The following SUPT20H variants were observed in gnomAD, a reference collection of about 807,000 sequenced individuals.
The protein encoded by SUPT20H is SPT20 homolog, SAGA complex component, also known as transcription factor SPT20 homolog.
A neutral mutation model predicts 122.8 loss-of-function variants in SUPT20H; 82 were observed. That is an observed-to-expected ratio of 0.67 (90% CI 0.56 to 0.80). The LOEUF (loss-of-function observed/expected upper bound fraction) is 0.80, where lower values mean the gene tolerates loss of function less well. Among genes scored for constraint, SUPT20H ranks in the 30% least tolerant of loss-of-function variants. The pLI, the probability that SUPT20H is intolerant of heterozygous loss-of-function variation, is 0.00. For synonymous variants in SUPT20H, 291 were observed against 313.0 expected, an observed-to-expected ratio of 0.93 and a Z score of 0.74; for missense variants, 831 against 921.6, an observed-to-expected ratio of 0.90 and a Z score of 1.27.
In SUPT20H at chr13:37,040,680, G is replaced by C. The variant is rs1263643618; in HGVS notation, c.409C>G (p.His137Asp). 1 of 1,612,216 alleles carries C rather than the reference G, an allele frequency of 6.2e-7. No individual in the cohort carries two copies. Among genetic ancestry groups the C allele is most frequent in the Admixed American group, 1.7e-5 (1 of 59,628 alleles). The stretch of plus-strand genomic sequence containing the variant: ...ATTTCTGCTATGACACATCCGCAAT[G>C]AAAAATATTAACCTGTTTGGGCAAA... ...LLEKSQVNIFHCGCVIAEIRD... is the reference protein window; with the variant it reads ...LLEKSQVNIFDCGCVIAEIRD... The change falls in exon 8 of 26, where the codon CAT becomes GAT. Residue 137 changes from histidine to aspartate, a missense_variant. Physicochemically the swap from His to Asp is moderately conservative, Grantham distance 81. Coordinates refer to ENST00000350612, the MANE Select transcript of SUPT20H (RefSeq NM_001014286.3).
chr13:37,051,468 C>T lies in SUPT20H; in HGVS notation c.3+20G>A. On this transcript the variant is annotated intron_variant, in intron 2 of 25. Transcript: ENST00000350612. Reference sequence around the variant, plus strand: ...GAACATTCTAAAACACAAATTTGAACATACTGAGCTGAAGCTTACCATTAT... The same window carrying T: ...GAACATTCTAAAACACAAATTTGAATATACTGAGCTGAAGCTTACCATTAT... 6.2e-7 allele frequency: 1 copy of T among 1,606,872 alleles called. No homozygotes were observed.
chr13:37,015,940 A>G (rs935467483), intron 23 of SUPT20H, among the ~76,000 whole-genome samples: 1 of 152,216 alleles, frequency 6.6e-6, no homozygotes, highest in Non-Finnish European at 1.5e-5. Context: ...AAATAACTAT[A>G]TAACTGCACT....
At chr13:37,025,703 TACTTA>T in intron 16 of SUPT20H, 1 of 327,758 alleles carries the variant, frequency 3.1e-6, no homozygotes, top group Non-Finnish European at 5.6e-6. Flanking sequence ...TTACAGGGAT[TACTTA>T]AGTAATAAGC....
In SUPT20H at chr13:37,019,895, A is replaced by G. The variant is rs1223740280; in HGVS notation, c.1817-498T>C. Reference sequence around the variant, plus strand: ...TTGCAATTTGTGTATAAAGATCAAAACAGAGTCAGGAAACAGTGCTCTGTT... The same window carrying G: ...TTGCAATTTGTGTATAAAGATCAAAGCAGAGTCAGGAAACAGTGCTCTGTT... On this transcript the variant is annotated intron_variant, in intron 21 of 25. Coordinates refer to ENST00000350612, the MANE Select transcript of SUPT20H (RefSeq NM_001014286.3). 2.0e-5 allele frequency among the ~76,000 whole-genome samples: 3 copies of G among 152,208 alleles called. No homozygotes were observed. The South Asian group carries it at 6.2e-4, about 31-fold the overall frequency.
At chr13:37,024,804 G>A (rs1271634952) in intron 17 of SUPT20H, 3 of 171,626 alleles carry the variant, frequency 1.7e-5, no homozygotes, top group Admixed American at 6.0e-5. Flanking sequence ...GAAGCCAAAT[G>A]ACTAGAACAC....
chr13:37,040,582 T>C lies in SUPT20H; in HGVS notation c.507A>G (p.Thr169=). 2 of 1,613,452 alleles carry C rather than the reference T, an allele frequency of 1.2e-6. No individual in the cohort carries two copies. The highest frequency in any genetic ancestry group is 8.5e-7 in the Non-Finnish European group (1 of 1,179,554). Residue 169 remains threonine, a synonymous_variant, in exon 8 of 26, where the codon ACA becomes ACG. Transcript: ENST00000350612. Reference sequence around the variant, plus strand: ...CTTAATTAAACATCCTTACCTGCATTGTTGGACGTAAGAGAATGTGCCGAC... The same window carrying C: ...CTTAATTAAACATCCTTACCTGCATCGTTGGACGTAAGAGAATGTGCCGAC... ...YQSRHILLRP[T]MQTLICDVHS... is the part of the protein sequence containing the mutation.
At chr13:37,049,647 G>C (rs2067232510) in intron 2 of SUPT20H, among the ~76,000 whole-genome samples, 1 of 152,122 alleles carries the variant, frequency 6.6e-6, no homozygotes, top group African/African-American at 2.4e-5. Flanking sequence ...GCTGAGGAAG[G>C]AGAATCACTT....
chr13:37,022,613 G>A lies in SUPT20H; in HGVS notation c.1592-533C>T, dbSNP rs1487949992. The A allele has an allele frequency of 9.2e-7, 1 of 1,091,834 alleles. No individual in the cohort carries two copies. Among genetic ancestry groups the A allele is most frequent in the Non-Finnish European group, 1.1e-6 (1 of 899,614 alleles). 67.6% of individuals were successfully genotyped at this position (1,091,834 alleles called of 1,614,324 possible). ...TTTAAAAGTTAGTTTCCTACATGCT[G>A]CCTTTGGCCTAAAAAGTTCAAAACG... On this transcript the variant is annotated intron_variant, in intron 19 of 25. Coordinates refer to ENST00000350612, the MANE Select transcript of SUPT20H (RefSeq NM_001014286.3). This position sits in a 1 kb window ranked among gnomAD's most constrained non-coding sequence, Gnocchi z 4.5.
At chr13:37,045,791 G>A (rs1439612731) in intron 5 of SUPT20H, among the ~76,000 whole-genome samples, 1 of 152,096 alleles carries the variant, frequency 6.6e-6, no homozygotes, top group East Asian at 1.9e-4. Context: ...CTCTTTGGTT[G>A]TATCTAAGAA....
chr13:37,051,669 A>C, intron 1 of SUPT20H, 86 bp from the exon 2 acceptor site: 1 of 472,616 alleles, frequency 2.1e-6, no homozygotes, highest in Non-Finnish European at 3.8e-6. Context: ...ATAATTAACA[A>C]GGAAAATTAC....
chr13:37,051,086 T>G (rs2067582948), intron 2 of SUPT20H, among the ~76,000 whole-genome samples: 1 of 152,192 alleles, frequency 6.6e-6, no homozygotes, highest in African/African-American at 2.4e-5. Flanking sequence ...CTGAAATACG[T>G]TATATGCAGT....
rs558879675 is a variant in SUPT20H, at chr13:37,037,768, T to A, written c.567+2637A>T. Reference sequence around the variant, plus strand: ...AATTCCAAACATACAGGCTCTTTACTATTATCACATAACATATTTTACTGA... The same window carrying A: ...AATTCCAAACATACAGGCTCTTTACAATTATCACATAACATATTTTACTGA... On this transcript the variant is annotated intron_variant, in intron 9 of 25. Coordinates refer to ENST00000350612, the MANE Select transcript of SUPT20H (RefSeq NM_001014286.3). Among the ~76,000 whole-genome samples the A allele has an allele frequency of 3.9e-5, 6 of 152,358 alleles. No individual in the cohort carries two copies. The South Asian group carries it at 1.2e-3, about 32-fold the overall frequency.
chr13:37,040,504 CAT>C, intron 8 of SUPT20H, 46 bp from the exon 9 acceptor site: 2 of 1,585,102 alleles, frequency 1.3e-6, no homozygotes, highest in African/African-American at 2.7e-5. Flanking sequence ...TATGCACAAA[CAT>C]ATGAAGAATT....
At position 37,024,405 on chromosome 13, in the gene SUPT20H, C is replaced by T; in HGVS notation, c.1367G>A (p.Gly456Glu). ...TGGGGGTCGATGTTTTACACCCTTC[C>T]CCAATACCGAAGACTGAACTGACAC... Reference protein sequence around the residue: ...ETVSVQSSVLGKGVKHRPPPI... With the variant: ...ETVSVQSSVLEKGVKHRPPPI... The change falls in exon 18 of 26, where the codon GGG (glycine) becomes GAG (glutamate). Residue 456 changes from glycine to glutamate, a missense_variant. Transcript: ENST00000350612. 1.9e-6 allele frequency: 3 copies of T among 1,585,708 alleles called. No homozygotes were observed. Among genetic ancestry groups the T allele is most frequent in the East Asian group, 2.3e-5 (1 of 44,164 alleles).
chr13:37,055,786 G>C (rs1199969), intron 1 of SUPT20H, among the ~76,000 whole-genome samples: 1,612 of 152,270 alleles, frequency 0.011, 36 homozygotes, highest in African/African-American at 0.037. Context: ...TTAAACTAAA[G>C]AGCTTCTGCA....
intron 22 of SUPT20H, 111 bp from the exon 23 acceptor site, chr13:37,017,475 T>G: frequency 8.8e-7 from 1 of 1,134,942 alleles, no homozygotes; most frequent in Non-Finnish European, 1.2e-6. Context: ...CTCTTCTAGT[T>G]ATTGAAGAAA....
At chr13:37,054,160 T>G (rs1051265891) in intron 1 of SUPT20H, among the ~76,000 whole-genome samples, 9 of 152,128 alleles carry the variant, frequency 5.9e-5, no homozygotes, top group Non-Finnish European at 1.2e-4. Context: ...CAGGACCAGA[T>G]GGATTCACAG....
intron 12 of SUPT20H, among the ~76,000 whole-genome samples, chr13:37,030,101 A>AT (rs1566213075): frequency 1.3e-5 from 2 of 152,164 alleles, no homozygotes; most frequent in Admixed American, 1.3e-4. Flanking sequence ...GTGCCTCTTC[A>AT]TTTTTTTGTC....
chr13:37,014,799 C>T (rs1025261222), intron 23 of SUPT20H, among the ~76,000 whole-genome samples: 3 of 152,122 alleles, frequency 2.0e-5, no homozygotes, highest in Non-Finnish European at 4.4e-5. Context: ...AAACTATCAT[C>T]CAAGAAAACA....
Sources: allele counts gnomAD v4.1 joint callset (sites outside exome capture counted in the v4.1 genomes callset), GRCh38; gene constraint gnomAD v4.1.1; non-coding constraint Gnocchi (gnomAD v3.1); transcripts MANE v1.5; gene names NCBI Gene and HGNC (gene_info 2026-07-23, HGNC 2026-07-21).